Variants in TUT7 observed in about 807,000 individuals in gnomAD.
The protein encoded by TUT7 is terminal uridylyltransferase 7.
A neutral mutation model predicts 165.9 loss-of-function variants in TUT7; 33 were observed. The observed-to-expected ratio is 0.20, with a 90% CI of 0.15 to 0.27. TUT7 has a LOEUF of 0.27. Ranked by LOEUF, TUT7 falls within the 10% of genes least tolerant of loss-of-function variation. The pLI, the probability that TUT7 is intolerant of heterozygous loss-of-function variation, is 1.00. For missense variants in TUT7, 1,338 were observed against 1,762.3 expected, an observed-to-expected ratio of 0.76 and a Z score of 4.31; for synonymous variants, 552 against 608.1, an observed-to-expected ratio of 0.91 and a Z score of 1.36.
At chr9:86,300,389 T>C (rs1587857667) in intron 26 of TUT7, among the ~76,000 whole-genome samples, 1 of 152,212 alleles carries the variant, frequency 6.6e-6, no homozygotes, top group East Asian at 1.9e-4. Context: ...CACTTTATGC[T>C]GTCCACAAAC....
chr9:86,309,588 G>A lies in TUT7; in HGVS notation c.3469-12C>T. The A allele has an allele frequency of 6.3e-7, 1 of 1,588,774 alleles. No homozygotes were observed. Among genetic ancestry groups the A allele is most frequent in the Non-Finnish European group, 8.6e-7 (1 of 1,163,018 alleles). On this transcript the variant is annotated splice_polypyrimidine_tract_variant and intron_variant, in intron 19 of 26. Transcript: ENST00000375963. ...CCAATATCACACATCTAGACAGAAG[G>A]AAAACCAAGAACAAAGGAAAGGTCT... is the stretch of plus-strand genomic sequence containing the variant.
At chr9:86,310,456 T>C (rs1827943285) in intron 18 of TUT7, among the ~76,000 whole-genome samples, 1 of 152,140 alleles carries the variant, frequency 6.6e-6, no homozygotes, top group South Asian at 2.1e-4. Context: ...TCCCTTTCAG[T>C]AGATATAAGA....
rs1426563876 is a variant in TUT7 at position 86,344,988 on chromosome 9, T to G, written c.986A>C (p.His329Pro). Residue 329 changes from histidine (H) to proline (P), a missense_variant, in exon 5 of 27, where the codon CAC becomes CCC. Coordinates refer to ENST00000375963, the MANE Select transcript of TUT7 (RefSeq NM_024617.4). ...AATCTAGAAAATACCTGGTAACTTG[T>G]GTTGGAACACATTTTCCATGATACG... Reference protein sequence around the residue: ...IKRIMENVFQHKLPDCSLRLY... With the variant: ...IKRIMENVFQPKLPDCSLRLY... 2 of 1,611,942 alleles carry G rather than the reference T, an allele frequency of 1.2e-6. No individual in the cohort carries two copies. The highest frequency in any genetic ancestry group is 1.7e-6 in the Non-Finnish European group (2 of 1,179,234).
intron 24 of TUT7, 42 bp from the exon 25 acceptor site, chr9:86,303,243 G>T: frequency 9.0e-7 from 1 of 1,108,342 alleles, no homozygotes; most frequent in Non-Finnish European, 1.3e-6. Flanking sequence ...CTATTCACGT[G>T]AGATCGGAAC....
At chr9:86,339,265 G>A (rs1010834009) in intron 8 of TUT7, among the ~76,000 whole-genome samples, 4 of 152,150 alleles carry the variant, frequency 2.6e-5, no homozygotes, top group African/African-American at 9.7e-5. Flanking sequence ...GGTGGCTCAC[G>A]CCTGTAATCC....
rs1829709013 is a variant in TUT7, at chr9:86,325,514, C to T, written c.1609G>A (p.Val537Met). 3 of 1,608,884 alleles carry T rather than the reference C, an allele frequency of 1.9e-6. No individual in the cohort carries two copies. In the South Asian group the frequency reaches 3.3e-5, roughly 18 times the overall value. ...PRETPIKRGQ[V>M]SLILDVKHQP... ...TGTTTCACATCCAATATTAATGACACCTATTAATAGCAAAGAGAAACATAC... is the reference window on the plus strand; with the variant it reads ...TGTTTCACATCCAATATTAATGACATCTATTAATAGCAAAGAGAAACATAC... Residue 537 changes from valine (V) to methionine (M), a missense_variant and splice_region_variant, in exon 12 of 27, where the codon GTG (valine) becomes ATG (methionine). Val to Met is a conservative substitution (Grantham distance 21, BLOSUM62 1). Around this residue, in one of 7 missense-constraint regions of TUT7, gnomAD observed 53 missense variants for 46.3 expected, o/e 1.15. Transcript: ENST00000375963.
Position 86,337,278 on chromosome 9 carries a change from G to A in TUT7, c.1455+141C>T, listed in dbSNP as rs559756169. The A allele has an allele frequency of 5.2e-4, 473 of 917,758 alleles. 1 individual carries two copies. Among genetic ancestry groups the A allele is most frequent in the Non-Finnish European group, 7.5e-4 (457 of 612,108 alleles). 56.9% of individuals were successfully genotyped at this position (917,758 alleles called of 1,614,324 possible). On this transcript the variant is annotated intron_variant, in intron 10 of 26. Transcript: ENST00000375963. Reference sequence around the variant, plus strand: ...ACACATTAGTATTTCAGCAGTGAAAGGTATGAATATTCACATGAGTAGAAT... The same window carrying A: ...ACACATTAGTATTTCAGCAGTGAAAAGTATGAATATTCACATGAGTAGAAT...
intron 5 of TUT7, 129 bp from the exon 6 acceptor site, chr9:86,343,292 G>T: frequency 1.9e-6 from 1 of 514,770 alleles, no homozygotes; most frequent in Non-Finnish European, 3.2e-6. Flanking sequence ...TTGTATTCAA[G>T]ACTAGCATAA....
At position 86,303,228 on chromosome 9, in the gene TUT7, C is replaced by G. The variant is rs377371684; in HGVS notation, c.3979-27G>C. 184 of 1,299,920 alleles carry G rather than the reference C, an allele frequency of 1.4e-4. 1 individual carries two copies. The African/African-American group carries it at 2.3e-3, about 16-fold the overall frequency. The allele number at this position is 1,299,920 out of a possible 1,614,324, so 80.5% of individuals were successfully genotyped here. A position where few individuals can be genotyped will look rare whatever the true frequency, so the allele number is the denominator to read the frequency against. ...TAGAAGAACATAAATATATAAAAGC[C>G]TGAACTATTCACGTGAGATCGGAAC... On this transcript the variant is annotated intron_variant, in intron 24 of 26. Transcript: ENST00000375963.
intron 22 of TUT7, 126 bp from the exon 23 acceptor site, chr9:86,305,365 A>C: frequency 4.7e-6 from 3 of 644,286 alleles, no homozygotes; most frequent in Non-Finnish European, 7.8e-6. Context: ...ATAAGTTTTA[A>C]ATTCACATGA....
At chr9:86,329,043 A>C (rs1384588298) in intron 10 of TUT7, among the ~76,000 whole-genome samples, 2 of 152,242 alleles carry the variant, frequency 1.3e-5, no homozygotes, top group Non-Finnish European at 2.9e-5. Context: ...AGATCCAGCT[A>C]ATTAGAAAAT....
intron 26 of TUT7, among the ~76,000 whole-genome samples, chr9:86,289,417 C>T (rs1007224304): frequency 1.8e-4 from 27 of 152,286 alleles, no homozygotes; most frequent in African/African-American, 6.3e-4. Flanking sequence ...ATGAATTATT[C>T]AATAACTGTA....
At chr9:86,319,749 T>C (rs1004893271) in intron 14 of TUT7, 79 bp from the exon 15 acceptor site, 6 of 978,122 alleles carry the variant, frequency 6.1e-6, no homozygotes, top group Non-Finnish European at 9.1e-6. Flanking sequence ...ATTTATTTTT[T>C]AGAAAATAAA....
chr9:86,296,787 A>G (rs1484897456), intron 26 of TUT7, among the ~76,000 whole-genome samples: 1 of 152,228 alleles, frequency 6.6e-6, no homozygotes, highest in Non-Finnish European at 1.5e-5. Flanking sequence ...CATACTTAAT[A>G]CTATGGAAAG....
intron 2 of TUT7, among the ~76,000 whole-genome samples, chr9:86,347,566 A>T (rs1195316838): frequency 2.0e-5 from 3 of 152,218 alleles, no homozygotes; most frequent in Admixed American, 2.0e-4. Context: ...AATTTTATAA[A>T]AAGCTTGCTG....
rs564397856 is a variant in TUT7 at position 86,318,224 on chromosome 9, A to C, written c.3216+734T>G. On this transcript the variant is annotated intron_variant, in intron 16 of 26. Coordinates refer to ENST00000375963, the MANE Select transcript of TUT7 (RefSeq NM_024617.4). ...ACCTTTATATAGTGTTTTATATTTT[A>C]TAAATGCCTTCAGATATCCCAGGGG... Among the ~76,000 whole-genome samples the C allele has an allele frequency of 9.5e-4, 145 of 152,352 alleles. 1 individual carries two copies. Among genetic ancestry groups the C allele is most frequent in the African/African-American group, 3.3e-3 (138 of 41,588 alleles).
chr9:86,325,121 G>C (rs996249563), intron 12 of TUT7, among the ~76,000 whole-genome samples: 3 of 152,200 alleles, frequency 2.0e-5, no homozygotes, highest in African/African-American at 7.2e-5. Flanking sequence ...CATTATTCAA[G>C]TTGTTTATAC....
chr9:86,325,327 G>C lies in TUT7; in HGVS notation c.1789+7C>G. 1 of 1,612,296 alleles carries C rather than the reference G, an allele frequency of 6.2e-7. No individual in the cohort carries two copies. Among genetic ancestry groups the C allele is most frequent in the Non-Finnish European group, 8.5e-7 (1 of 1,178,772 alleles). On this transcript the variant is annotated splice_region_variant and intron_variant, in intron 12 of 26. Transcript: ENST00000375963. ...TGGGGGGGAATAAGATAAACATTTT[G>C]AGATACCTTCAATGGCAATGCGCTT...
In TUT7 at chr9:86,325,037, C is replaced by G. The variant is rs570519576; in HGVS notation, c.1789+297G>C. On this transcript the variant is annotated intron_variant, in intron 12 of 26. Coordinates refer to ENST00000375963, the MANE Select transcript of TUT7 (RefSeq NM_024617.4). The stretch of plus-strand genomic sequence containing the variant: ...GGTAAAGAGGAAAGGGGGATTTACA[C>G]ATCACTGTGAAAAACATACTTTAGG... Among the ~76,000 whole-genome samples the G allele has an allele frequency of 5.9e-5, 9 of 152,278 alleles. No individual in the cohort carries two copies. The South Asian group carries it at 1.9e-3, about 32-fold the overall frequency.
Sources: allele counts gnomAD v4.1 joint callset (sites outside exome capture counted in the v4.1 genomes callset), GRCh38; gene constraint gnomAD v4.1.1; regional missense constraint gnomAD v4.1.1; transcripts MANE v1.5; gene names NCBI Gene and HGNC (gene_info 2026-07-23, HGNC 2026-07-21).